The following FZD3 variants were observed in gnomAD, a reference collection of about 807,000 sequenced individuals.
FZD3 encodes frizzled class receptor 3, also known as frizzled-3.
In FZD3, 30 loss-of-function variants were observed where a neutral mutation model predicts 60.7. That is an observed-to-expected ratio of 0.49 (90% CI 0.37 to 0.67). FZD3 has a LOEUF of 0.67. Ranked by LOEUF, FZD3 falls within the 30% of genes least tolerant of loss-of-function variation. The pLI, the probability that FZD3 is intolerant of heterozygous loss-of-function variation, is 0.00. For synonymous variants in FZD3, 246 were observed against 275.2 expected, an observed-to-expected ratio of 0.89 and a Z score of 1.05; for missense variants, 605 against 838.7, an observed-to-expected ratio of 0.72 and a Z score of 3.44.
intron 6 of FZD3, among the ~76,000 whole-genome samples, chr8:28,552,914 T>C (rs1262860152): frequency 2.0e-5 from 3 of 152,216 alleles, no homozygotes. Flanking sequence ...ATTTGCTGCA[T>C]GCTGAGCACT....
chr8:28,495,198 C>T (rs1803811509), intron 1 of FZD3, among the ~76,000 whole-genome samples: 1 of 152,290 alleles, frequency 6.6e-6, no homozygotes, highest in South Asian at 2.1e-4. Context: ...CTTTTCTTGG[C>T]TTTGTTTTTA....
chr8:28,518,063 G>C (rs549044333), intron 3 of FZD3, among the ~76,000 whole-genome samples: 9 of 151,802 alleles, frequency 5.9e-5, no homozygotes, highest in African/African-American at 2.2e-4. Flanking sequence ...TCAGAGACAG[G>C]GTCTCACTCT....
intron 3 of FZD3, among the ~76,000 whole-genome samples, chr8:28,517,966 G>T (rs1270906431): frequency 1.3e-5 from 2 of 152,128 alleles, no homozygotes; most frequent in East Asian, 3.8e-4. Context: ...TGAGATCCCA[G>T]ATATGTTATG....
In FZD3 at chr8:28,563,497, T is replaced by C. The variant is rs1485519934; in HGVS notation, c.*486T>C. 1 of 157,568 alleles carries C rather than the reference T, an allele frequency of 6.3e-6. No homozygotes were observed. The highest frequency in any genetic ancestry group is 1.4e-5 in the Non-Finnish European group (1 of 71,292). The allele number at this position is 157,568 out of a possible 1,614,324, so 9.8% of individuals were successfully genotyped here. ...TCCACTAAGTGAAAAAAGAACTGTG[T>C]TTTTAAACTGTAGGAGAATTTAATA... On this transcript the variant is annotated 3_prime_UTR_variant, in exon 8 of 8. Coordinates refer to ENST00000240093, the MANE Select transcript of FZD3 (RefSeq NM_017412.4).
At chr8:28,536,977 G>A (rs1213912291) in intron 5 of FZD3, among the ~76,000 whole-genome samples, 1 of 152,124 alleles carries the variant, frequency 6.6e-6, no homozygotes, top group Non-Finnish European at 1.5e-5. Context: ...TAGACAATGA[G>A]TAATTCTTTT....
At chr8:28,525,148 C>T (rs987175973) in intron 4 of FZD3, among the ~76,000 whole-genome samples, 11 of 152,152 alleles carry the variant, frequency 7.2e-5, no homozygotes, top group African/African-American at 1.2e-4. Context: ...AATATATTCA[C>T]TCAACATTCA....
intron 1 of FZD3, among the ~76,000 whole-genome samples, chr8:28,495,335 TG>T (rs1334020751): frequency 6.6e-6 from 1 of 152,166 alleles, no homozygotes; most frequent in Non-Finnish European, 1.5e-5. Flanking sequence ...GGTTCCCGTC[TG>T]GGTTGAGGGA....
At chr8:28,529,603 TAATA>T (rs1444116497) in intron 5 of FZD3, among the ~76,000 whole-genome samples, 4 of 152,154 alleles carry the variant, frequency 2.6e-5, no homozygotes, top group Admixed American at 2.6e-4. Flanking sequence ...GGTTAGCACA[TAATA>T]AATGCTGATA....
intron 4 of FZD3, among the ~76,000 whole-genome samples, chr8:28,523,321 A>C (rs1448097735): frequency 1.3e-5 from 2 of 152,134 alleles, no homozygotes; most frequent in Non-Finnish European, 2.9e-5. Flanking sequence ...TGCATCCTCC[A>C]CTGGGTAGGA....
chr8:28,561,993 C>T (rs986510280), intron 7 of FZD3, among the ~76,000 whole-genome samples: 5 of 152,182 alleles, frequency 3.3e-5, no homozygotes, highest in African/African-American at 1.2e-4. Flanking sequence ...GAAAATTTAA[C>T]AGCCCCACTG....
Position 28,550,050 on chromosome 8 carries a change from G to C in FZD3, c.1405-1553G>C, listed in dbSNP as rs973840277. 2.6e-5 allele frequency among the ~76,000 whole-genome samples: 4 copies of C among 151,920 alleles called. No individual in the cohort carries two copies. The East Asian group carries it at 7.7e-4, about 29-fold the overall frequency. On this transcript the variant is annotated intron_variant, in intron 5 of 7. Transcript: ENST00000240093. Reference sequence around the variant, plus strand: ...TTGCTTTATATAAATAATTTTAATCGTTTTCTTTGTCTGTGTTTTCAGACA... The same window carrying C: ...TTGCTTTATATAAATAATTTTAATCCTTTTCTTTGTCTGTGTTTTCAGACA...
chr8:28,516,135 T>C (rs1804420153), intron 3 of FZD3, among the ~76,000 whole-genome samples: 1 of 152,232 alleles, frequency 6.6e-6, no homozygotes, highest in Admixed American at 6.5e-5. Context: ...TTTTCTCTTG[T>C]TCAGTATCTT....
intron 3 of FZD3, among the ~76,000 whole-genome samples, chr8:28,507,820 T>G (rs2130297753): frequency 6.6e-6 from 1 of 151,756 alleles, no homozygotes; most frequent in East Asian, 1.9e-4. Flanking sequence ...TTTGATGTTT[T>G]AAATCTATCA....
chr8:28,501,148 T>C (rs755051113), intron 2 of FZD3, among the ~76,000 whole-genome samples: 24 of 152,224 alleles, frequency 1.6e-4, no homozygotes, highest in Non-Finnish European at 2.6e-4. Context: ...AAATTTCTGA[T>C]GTAGAACATG....
chr8:28,504,878 A>G (rs1023761688), intron 3 of FZD3, among the ~76,000 whole-genome samples: 1 of 152,232 alleles, frequency 6.6e-6, no homozygotes, highest in Non-Finnish European at 1.5e-5. Context: ...TGACTTCTCA[A>G]ATATGCACAA....
chr8:28,512,640 G>A (rs1804319160), intron 3 of FZD3, among the ~76,000 whole-genome samples: 1 of 152,048 alleles, frequency 6.6e-6, no homozygotes, highest in African/African-American at 2.4e-5. Flanking sequence ...AGCTCCTGGT[G>A]CAGGGTCTAA....
intron 3 of FZD3, among the ~76,000 whole-genome samples, chr8:28,507,511 T>G (rs899117283): frequency 6.6e-6 from 1 of 152,232 alleles, no homozygotes; most frequent in Non-Finnish European, 1.5e-5. Context: ...CAGCCATTGA[T>G]GATTTCCTAG....
intron 5 of FZD3, among the ~76,000 whole-genome samples, chr8:28,536,104 A>G (rs1268157449): frequency 6.6e-6 from 1 of 152,234 alleles, no homozygotes; most frequent in East Asian, 1.9e-4. Context: ...ACAAAGTAAA[A>G]TTTCGATATT....
rs1805825481 is a variant in FZD3 at position 28,572,530 on chromosome 8, A to G, written c.*9519A>G. 1 of 152,214 alleles carries G rather than the reference A, an allele frequency of 6.6e-6. No homozygotes were observed. The highest frequency in any genetic ancestry group is 1.5e-5 in the Non-Finnish European group (1 of 68,024). The allele number at this position is 152,214 out of a possible 1,614,324, so 9.4% of individuals were successfully genotyped here. ...AATACCTTTTGGAAGTATATATGTT[A>G]CATAAGACTTTCACTAAATCTGTGC... On this transcript the variant is annotated 3_prime_UTR_variant, in exon 8 of 8. Coordinates refer to ENST00000240093, the MANE Select transcript of FZD3 (RefSeq NM_017412.4).
Sources: allele counts gnomAD v4.1 joint callset (sites outside exome capture counted in the v4.1 genomes callset), GRCh38; gene constraint gnomAD v4.1.1; transcripts MANE v1.5; gene names NCBI Gene and HGNC (gene_info 2026-07-23, HGNC 2026-07-21).